Variants in DLGAP1 observed in about 807,000 individuals in gnomAD.
DLGAP1 encodes disks large-associated protein 1.
DLGAP1 carries 11 observed loss-of-function variants against 90.8 expected under a neutral mutation model. That is an observed-to-expected ratio of 0.12 (90% CI 0.08 to 0.20). The LOEUF is 0.20. DLGAP1 is among the 10% of genes least tolerant of loss of function. The pLI is 1.00. For missense variants in DLGAP1, 1,050 were observed against 1,333.8 expected (o/e 0.79, Z 3.31); for synonymous variants, 558 against 540.7 (o/e 1.03, Z -0.44).
chr18:4,032,305 T>TA (rs926457174), intron 2 of DLGAP1, among the ~76,000 whole-genome samples: 3 of 152,084 alleles, frequency 2.0e-5, no homozygotes, highest in African/African-American at 7.2e-5. Context: ...AACTACTAAT[T>TA]AAAGGGTCTG....
chr18:3,906,567 T>C (rs1453552341), intron 3 of DLGAP1, among the ~76,000 whole-genome samples: 1 of 152,184 alleles, frequency 6.6e-6, no homozygotes, highest in African/African-American at 2.4e-5. Flanking sequence ...GAAATTATAA[T>C]TACGTAATTT....
chr18:4,139,119 C>A (rs1241238868), intron 2 of DLGAP1, among the ~76,000 whole-genome samples: 1 of 151,466 alleles, frequency 6.6e-6, no homozygotes, highest in Non-Finnish European at 1.5e-5. Context: ...TGTTTTGTTT[C>A]AATTTATTTC....
rs143921764 is a variant in DLGAP1 at position 3,880,244 on chromosome 18, C to T, written c.-72-104G>A. On this transcript the variant is annotated intron_variant, in intron 3 of 12. Coordinates refer to ENST00000315677, the MANE Select transcript of DLGAP1 (RefSeq NM_004746.4). ...TGTTGCCCAGGCTAGAGTGCACAGG[C>T]GCCATCTCTGCTTCCTGCAGCCTCC... 3.7e-3 allele frequency: 2,323 copies of T among 634,730 alleles called. 55 individuals carry two copies. The Admixed American group carries it at 0.04, about 11-fold the overall frequency. 39.3% of individuals were successfully genotyped at this position (634,730 alleles called of 1,614,324 possible). A position where few individuals can be genotyped will look rare whatever the true frequency, so the allele number is the denominator to read the frequency against.
intron 3 of DLGAP1, among the ~76,000 whole-genome samples, chr18:3,898,650 G>A (rs1046098296): frequency 1.3e-5 from 2 of 152,212 alleles, no homozygotes; most frequent in Non-Finnish European, 2.9e-5. Flanking sequence ...CTTGTGTGGT[G>A]CAGCAAATCT....
intron 1 of DLGAP1, among the ~76,000 whole-genome samples, chr18:4,344,275 T>G (rs1365908593): frequency 6.6e-6 from 1 of 152,292 alleles, no homozygotes; most frequent in East Asian, 1.9e-4. Flanking sequence ...ACAGATACTC[T>G]ATTGTTCCCA....
chr18:3,854,842 C>A (rs1348978328), intron 4 of DLGAP1, among the ~76,000 whole-genome samples: 1 of 152,164 alleles, frequency 6.6e-6, no homozygotes, highest in Non-Finnish European at 1.5e-5. Context: ...GATAGAAGTT[C>A]ATGGCCAAAG....
intron 1 of DLGAP1, among the ~76,000 whole-genome samples, chr18:4,183,390 G>A (rs117233924): frequency 1.4e-3 from 207 of 152,200 alleles, no homozygotes; most frequent in Non-Finnish European, 2.3e-3. Context: ...TAGATTACAT[G>A]AGAAGAAGCA....
At chr18:4,450,139 G>A (rs952104237) in intron 1 of DLGAP1, among the ~76,000 whole-genome samples, 2 of 152,170 alleles carry the variant, frequency 1.3e-5, no homozygotes, top group Admixed American at 6.5e-5. Context: ...ATGGTTGTTT[G>A]CAAAGTCTGA....
chr18:4,112,565 T>C (rs1303065470), intron 2 of DLGAP1, among the ~76,000 whole-genome samples: 1 of 152,184 alleles, frequency 6.6e-6, no homozygotes, highest in African/African-American at 2.4e-5. Flanking sequence ...TTCTGTCAAT[T>C]GCTGTTGTTG....
rs151123938 is a variant in DLGAP1 at position 3,903,220 on chromosome 18, C to G, written c.-72-23080G>C. ...GAAGGAAATATGGAAAAATCAATGA[C>G]CTGCTTACAGATGCTACCTGAGCTG... is the stretch of plus-strand genomic sequence containing the variant. On this transcript the variant is annotated intron_variant, in intron 3 of 12. Transcript: ENST00000315677. Among the ~76,000 whole-genome samples the G allele has an allele frequency of 3.0e-3, 449 of 152,164 alleles. 4 individuals carry two copies. Among genetic ancestry groups the G allele is most frequent in the African/African-American group, 0.01 (417 of 41,500 alleles).
At chr18:4,320,183 T>C (rs542090431) in intron 1 of DLGAP1, among the ~76,000 whole-genome samples, 1 of 152,274 alleles carries the variant, frequency 6.6e-6, no homozygotes, top group South Asian at 2.1e-4. Context: ...ACTGTTTAAC[T>C]GCTCATTCTC....
At chr18:4,436,244 C>T (rs899414928) in intron 1 of DLGAP1, among the ~76,000 whole-genome samples, 7 of 151,972 alleles carry the variant, frequency 4.6e-5, no homozygotes, top group Admixed American at 4.6e-4. Context: ...AATTCCAAAG[C>T]ATGATTGTCT....
At chr18:4,139,309 A>C (rs996398028) in intron 2 of DLGAP1, among the ~76,000 whole-genome samples, 2 of 151,848 alleles carry the variant, frequency 1.3e-5, no homozygotes, top group African/African-American at 4.8e-5. Context: ...ATAGGCTTTC[A>C]TACGTTGTGT....
chr18:4,260,924 A>C (rs997573393), intron 1 of DLGAP1, among the ~76,000 whole-genome samples: 3 of 152,374 alleles, frequency 2.0e-5, no homozygotes, highest in African/African-American at 7.2e-5. Flanking sequence ...CAAAACATCT[A>C]GCATTTTAAT....
chr18:3,523,775 A>T (rs1308957964), intron 10 of DLGAP1, among the ~76,000 whole-genome samples: 1 of 151,710 alleles, frequency 6.6e-6, no homozygotes, highest in South Asian at 2.1e-4. Flanking sequence ...GTGAACTCAG[A>T]AGGCGGAGCT....
intron 5 of DLGAP1, among the ~76,000 whole-genome samples, chr18:3,765,693 G>A (rs768693856): frequency 1.3e-5 from 2 of 151,898 alleles, no homozygotes; most frequent in African/African-American, 4.8e-5. Context: ...AATTAGCCAG[G>A]CGTGGTGGCA....
intron 1 of DLGAP1, among the ~76,000 whole-genome samples, chr18:4,337,155 T>C (rs2081087637): frequency 6.8e-6 from 1 of 147,008 alleles, no homozygotes; most frequent in Non-Finnish European, 1.5e-5. Flanking sequence ...GCAAAAGTAG[T>C]AGTAGGTCAG....
chr18:4,380,583 G>C (rs112450574), intron 1 of DLGAP1, among the ~76,000 whole-genome samples: 1 of 152,156 alleles, frequency 6.6e-6, no homozygotes, highest in Non-Finnish European at 1.5e-5. Context: ...CAAGCTGAGC[G>C]CTTAAGGGAT....
chr18:4,002,550 C>T (rs2074215246), intron 3 of DLGAP1, among the ~76,000 whole-genome samples: 1 of 152,084 alleles, frequency 6.6e-6, no homozygotes, highest in Non-Finnish European at 1.5e-5. Context: ...CTTAATAACA[C>T]TTTTTTTCCT....
Sources: allele counts gnomAD v4.1 joint callset (sites outside exome capture counted in the v4.1 genomes callset), GRCh38; gene constraint gnomAD v4.1.1; transcripts MANE v1.5; gene names NCBI Gene and HGNC (gene_info 2026-07-23, HGNC 2026-07-21).